The following ALDH1A2 variants were observed in gnomAD, a reference collection of about 807,000 sequenced individuals.
ALDH1A2 encodes retinal dehydrogenase 2.
In ALDH1A2, 27 loss-of-function variants were observed where a neutral mutation model predicts 60.3. That is an observed-to-expected ratio of 0.45 (90% confidence interval 0.33 to 0.62). The LOEUF (loss-of-function observed/expected upper bound fraction) is 0.62, where lower values mean the gene tolerates loss of function less well. Among genes scored for constraint, ALDH1A2 ranks in the 20% least tolerant of loss-of-function variants. The pLI, the probability that ALDH1A2 is intolerant of heterozygous loss-of-function variation, is 0.02. For missense variants in ALDH1A2, 581 were observed against 643.8 expected (o/e 0.90, Z 1.06); for synonymous variants, 289 against 232.4 (o/e 1.24, Z -2.21).
chr15:58,060,316 G>A (rs1461002266), intron 1 of ALDH1A2, among the ~76,000 whole-genome samples: 1 of 152,098 alleles, frequency 6.6e-6, no homozygotes, highest in Non-Finnish European at 1.5e-5. Context: ...AAATGCAATA[G>A]AATTTTGGCT....
chr15:57,959,102 TGGATTAGCCTG>T (rs570788000), intron 12 of ALDH1A2, among the ~76,000 whole-genome samples: 208 of 152,256 alleles, frequency 1.4e-3, no homozygotes, highest in African/African-American at 4.7e-3. Flanking sequence ...TGAGGGACCA[TGGATTAGCCTG>T]GGATTAGGGT....
chr15:58,028,814 T>C (rs1217148880), intron 1 of ALDH1A2, among the ~76,000 whole-genome samples: 1 of 152,124 alleles, frequency 6.6e-6, no homozygotes, highest in African/African-American at 2.4e-5. Flanking sequence ...GGCCATTACA[T>C]AATGGTATAG....
chr15:58,028,205 G>A (rs1187701405), intron 1 of ALDH1A2, among the ~76,000 whole-genome samples: 4 of 152,186 alleles, frequency 2.6e-5, no homozygotes, highest in Admixed American at 2.6e-4. Context: ...AGATCCCTTG[G>A]CAGAAGCTCT....
intron 3 of ALDH1A2, among the ~76,000 whole-genome samples, chr15:58,012,596 A>C (rs781438439): frequency 1.3e-5 from 2 of 152,338 alleles, no homozygotes; most frequent in Middle Eastern, 6.8e-3. Flanking sequence ...CCTTTTTCAC[A>C]GTATGAATAA....
intron 4 of ALDH1A2, among the ~76,000 whole-genome samples, chr15:58,010,015 C>A (rs1419741833): frequency 1.3e-5 from 2 of 152,048 alleles, no homozygotes; most frequent in African/African-American, 4.8e-5. Context: ...CAACTTAGCA[C>A]CCAATTATAA....
intron 1 of ALDH1A2, among the ~76,000 whole-genome samples, chr15:58,022,992 C>G (rs1213285495): frequency 6.6e-6 from 1 of 152,212 alleles, no homozygotes; most frequent in African/African-American, 2.4e-5. Flanking sequence ...ACTCCATCAA[C>G]AGATCTTAAT....
chr15:57,987,245 CAAA>C (rs200214704), intron 7 of ALDH1A2, among the ~76,000 whole-genome samples: 1 of 142,376 alleles, frequency 7.0e-6, no homozygotes, highest in Non-Finnish European at 1.5e-5. Flanking sequence ...AAGTAGAAAG[CAAA>C]AAAAAAAGAT....
intron 1 of ALDH1A2, among the ~76,000 whole-genome samples, chr15:58,027,752 A>T (rs1243604489): frequency 6.6e-6 from 1 of 152,138 alleles, no homozygotes; most frequent in Non-Finnish European, 1.5e-5. Context: ...CGTAATGCAC[A>T]TACAAGCTTC....
At chr15:58,050,731 G>C (rs1163573948) in intron 1 of ALDH1A2, among the ~76,000 whole-genome samples, 5 of 152,188 alleles carry the variant, frequency 3.3e-5, no homozygotes, top group African/African-American at 9.6e-5. Context: ...TTAAGACCTA[G>C]TTCTAGTCAC....
intron 4 of ALDH1A2, among the ~76,000 whole-genome samples, chr15:58,008,007 A>T (rs1413216540): frequency 1.3e-5 from 2 of 152,134 alleles, no homozygotes; most frequent in Non-Finnish European, 2.9e-5. Context: ...AGCTAAAGAC[A>T]TTGTTGGCTG....
intron 12 of ALDH1A2, among the ~76,000 whole-genome samples, chr15:57,959,579 C>T (rs192777124): frequency 1.3e-5 from 2 of 152,248 alleles, no homozygotes; most frequent in Non-Finnish European, 2.9e-5. Flanking sequence ...TTTCTGAAGG[C>T]TTGCCAGATA....
At chr15:58,010,611 T>G in intron 4 of ALDH1A2, 38 bp downstream of exon 4, 1 of 1,609,724 alleles carries the variant, frequency 6.2e-7, no homozygotes, top group South Asian at 1.1e-5. Flanking sequence ...TCTGGTGGTT[T>G]CACGTTTTCC....
At chr15:58,046,027 T>G (rs928966539) in intron 1 of ALDH1A2, among the ~76,000 whole-genome samples, 2 of 152,022 alleles carry the variant, frequency 1.3e-5, no homozygotes, top group African/African-American at 2.4e-5. Flanking sequence ...AAATGTCATA[T>G]ATTTTCTTAT....
chr15:57,965,638 T>C lies in ALDH1A2; in HGVS notation c.901+87A>G, dbSNP rs74017082. On this transcript the variant is annotated intron_variant, in intron 8 of 12. Coordinates refer to ENST00000249750, the MANE Select transcript of ALDH1A2 (RefSeq NM_003888.4). ...ATTGCCCTTAGCTTCAAATATCTTT[T>C]GCTAGTGTCCCATCAAAAGTGGAGA... 344 of 986,780 alleles carry C rather than the reference T, an allele frequency of 3.5e-4. No homozygotes were observed. The African/African-American group carries it at 4.6e-3, about 13-fold the overall frequency. The allele number at this position is 986,780 out of a possible 1,614,324, so 61.1% of individuals were successfully genotyped here.
intron 12 of ALDH1A2, among the ~76,000 whole-genome samples, chr15:57,955,885 T>A (rs989285357): frequency 2.6e-5 from 4 of 152,240 alleles, no homozygotes; most frequent in African/African-American, 9.6e-5. Context: ...AAATGCCTTT[T>A]TTCCCCTTAT....
intron 1 of ALDH1A2, among the ~76,000 whole-genome samples, chr15:58,018,486 A>G (rs1488506477): frequency 6.6e-6 from 1 of 152,182 alleles, no homozygotes; most frequent in African/African-American, 2.4e-5. Flanking sequence ...TCATCACTAG[A>G]TAGTAAAATT....
chr15:57,991,238 C>T (rs1272959996), intron 7 of ALDH1A2, among the ~76,000 whole-genome samples: 5 of 152,114 alleles, frequency 3.3e-5, no homozygotes, highest in African/African-American at 1.2e-4. Context: ...AGCATCTAGC[C>T]TTTAGCAAAT....
chr15:58,041,718 C>T (rs1380915684), intron 1 of ALDH1A2, among the ~76,000 whole-genome samples: 2 of 151,934 alleles, frequency 1.3e-5, no homozygotes, highest in Non-Finnish European at 2.9e-5. Flanking sequence ...AATACTATCA[C>T]CTTTGTATAG....
chr15:57,997,250 A>G (rs895628044), intron 4 of ALDH1A2, among the ~76,000 whole-genome samples: 14 of 152,058 alleles, frequency 9.2e-5, no homozygotes, highest in African/African-American at 3.4e-4. Flanking sequence ...AATCTTCTGG[A>G]TATCATTCTT....
Sources: gnomAD v4.1 joint callset for allele counts (sites outside exome capture counted in the v4.1 genomes callset) on GRCh38, gnomAD v4.1.1 for gene constraint, MANE v1.5 for transcripts, NCBI Gene and HGNC (gene_info 2026-07-23, HGNC 2026-07-21) for gene names.